The following B3GALT1 variants were observed in gnomAD, a reference collection of about 807,000 sequenced individuals.
The protein encoded by B3GALT1 is beta-1,3-galactosyltransferase 1.
A neutral mutation model predicts 23.2 loss-of-function variants in B3GALT1; 10 were observed. The ratio of observed to expected loss-of-function variants is 0.43; its 90% CI spans 0.27 to 0.73. The LOEUF is 0.73. Among genes scored for constraint, B3GALT1 ranks in the 30% least tolerant of loss-of-function variants. The pLI, the probability that B3GALT1 is intolerant of heterozygous loss-of-function variation, is 0.21. For synonymous variants in B3GALT1, 156 were observed against 141.5 expected (o/e 1.10, Z -0.73); for missense variants, 299 against 405.4 (o/e 0.74, Z 2.25).
chr2:167,684,317 A>T (rs1686581765), intron 3 of B3GALT1, among the ~76,000 whole-genome samples: 1 of 152,068 alleles, frequency 6.6e-6, no homozygotes, highest in African/African-American at 2.4e-5. Flanking sequence ...AATTACCTAA[A>T]TTTTTCCCAT....
intron 2 of B3GALT1, among the ~76,000 whole-genome samples, chr2:167,542,057 A>G (rs914138476): frequency 1.3e-5 from 2 of 152,024 alleles, no homozygotes; most frequent in Admixed American, 1.3e-4. Context: ...GAACCTATTT[A>G]TTTATTTATT....
chr2:167,327,750 A>G (rs1696916702), intron 1 of B3GALT1, among the ~76,000 whole-genome samples: 1 of 151,832 alleles, frequency 6.6e-6, no homozygotes, highest in African/African-American at 2.4e-5. Context: ...TAGGACTTCC[A>G]GTACTATGTT....
chr2:167,622,969 T>G (rs1685284516), intron 2 of B3GALT1, among the ~76,000 whole-genome samples: 1 of 152,026 alleles, frequency 6.6e-6, no homozygotes, highest in Non-Finnish European at 1.5e-5. Flanking sequence ...ATCTTTTGAT[T>G]CTCCTCAAAT....
At chr2:167,656,833 G>GA (rs1685963560) in intron 3 of B3GALT1, among the ~76,000 whole-genome samples, 1 of 152,142 alleles carries the variant, frequency 6.6e-6, no homozygotes, top group African/African-American at 2.4e-5. Flanking sequence ...ATTTGGGGGA[G>GA]AGTTGGAACC....
At chr2:167,680,626 T>A (rs1403226863) in intron 3 of B3GALT1, among the ~76,000 whole-genome samples, 1 of 147,960 alleles carries the variant, frequency 6.8e-6, no homozygotes, top group Non-Finnish European at 1.5e-5. Context: ...CTGAAAGAGC[T>A]AGCTATTTGT....
intron 3 of B3GALT1, chr2:167,713,715 C>T: frequency 6.5e-7 from 1 of 1,527,754 alleles, no homozygotes; most frequent in Non-Finnish European, 9.1e-7. Flanking sequence ...GTGGAATCAA[C>T]CCTCAAGGGA....
chr2:167,471,302 G>C (rs1039290586), intron 1 of B3GALT1, among the ~76,000 whole-genome samples: 7 of 152,164 alleles, frequency 4.6e-5, no homozygotes, highest in Non-Finnish European at 8.8e-5. Context: ...TTGGTGGGAA[G>C]AAGCATTCTT....
intron 1 of B3GALT1, among the ~76,000 whole-genome samples, chr2:167,412,986 C>T (rs571637011): frequency 8.7e-4 from 133 of 152,184 alleles, no homozygotes; most frequent in African/African-American, 3.1e-3. Context: ...ATTGTAATTC[C>T]ATCTATTGTG....
intron 2 of B3GALT1, among the ~76,000 whole-genome samples, chr2:167,632,901 G>A (rs1685475331): frequency 6.6e-6 from 1 of 151,986 alleles, no homozygotes; most frequent in South Asian, 2.1e-4. Context: ...TATTGCCTAG[G>A]TTTTCTTCTA....
chr2:167,739,049 G>T (rs1424801847), intron 3 of B3GALT1, among the ~76,000 whole-genome samples: 1 of 152,128 alleles, frequency 6.6e-6, no homozygotes, highest in Non-Finnish European at 1.5e-5. Flanking sequence ...GTCAATTCCA[G>T]TACATATTCC....
chr2:167,742,303 A>G (rs1318261004), intron 3 of B3GALT1, among the ~76,000 whole-genome samples: 1 of 152,188 alleles, frequency 6.6e-6, no homozygotes, highest in Non-Finnish European at 1.5e-5. Context: ...TGCAGAGTAC[A>G]CTGCAGTGTA....
chr2:167,785,627 ACTC>A (rs1485990556), intron 3 of B3GALT1, among the ~76,000 whole-genome samples: 1 of 152,094 alleles, frequency 6.6e-6, no homozygotes, highest in East Asian at 1.9e-4. Flanking sequence ...TTTATTTCCT[ACTC>A]CTGGAATAAA....
intron 3 of B3GALT1, among the ~76,000 whole-genome samples, chr2:167,791,647 A>G (rs1298312231): frequency 6.6e-6 from 1 of 152,194 alleles, no homozygotes; most frequent in Non-Finnish European, 1.5e-5. Context: ...GGATCCTGTA[A>G]TGAATCCATT....
chr2:167,368,949 A>G (rs915082692), intron 1 of B3GALT1, among the ~76,000 whole-genome samples: 1 of 152,104 alleles, frequency 6.6e-6, no homozygotes, highest in South Asian at 2.1e-4. Context: ...TAGCCAGATT[A>G]AAGTAAAGAA....
intron 2 of B3GALT1, among the ~76,000 whole-genome samples, chr2:167,564,138 T>C (rs1282919182): frequency 2.7e-4 from 39 of 145,780 alleles, no homozygotes; most frequent in Non-Finnish European, 5.6e-4. Context: ...GGCTCCTCAC[T>C]TCTCAGACGG....
intron 3 of B3GALT1, among the ~76,000 whole-genome samples, chr2:167,702,228 A>G (rs1365677914): frequency 1.3e-5 from 2 of 152,180 alleles, no homozygotes; most frequent in African/African-American, 4.8e-5. Context: ...ACTCAGCAGC[A>G]ACTCTGTGGA....
At chr2:167,629,495 T>G (rs994122625) in intron 2 of B3GALT1, among the ~76,000 whole-genome samples, 1 of 151,724 alleles carries the variant, frequency 6.6e-6, no homozygotes, top group Non-Finnish European at 1.5e-5. Context: ...ATGAATTAAG[T>G]TAACATGAGC....
chr2:167,657,823 C>T (rs188055243), intron 3 of B3GALT1, among the ~76,000 whole-genome samples: 7 of 152,114 alleles, frequency 4.6e-5, no homozygotes, highest in Admixed American at 2.0e-4. Flanking sequence ...ATATAAAAAT[C>T]ATTAAACATT....
At chr2:167,447,379 T>C (rs1473188628) in intron 1 of B3GALT1, among the ~76,000 whole-genome samples, 2 of 152,152 alleles carry the variant, frequency 1.3e-5, no homozygotes, top group East Asian at 3.9e-4. Context: ...ACCACTACTC[T>C]CTTCAAAGCT....
Sources: gnomAD v4.1 joint callset for allele counts (sites outside exome capture counted in the v4.1 genomes callset) on GRCh38, gnomAD v4.1.1 for gene constraint, MANE v1.5 for transcripts, NCBI Gene and HGNC (gene_info 2026-07-23, HGNC 2026-07-21) for gene names.